The following SLC10A7 variants were observed in gnomAD, a reference collection of about 807,000 sequenced individuals.
The protein encoded by SLC10A7 is sodium/bile acid cotransporter 7.
A neutral mutation model predicts 43.2 loss-of-function variants in SLC10A7; 29 were observed. The observed-to-expected ratio is 0.67, with a 90% confidence interval of 0.50 to 0.92. The LOEUF is 0.92. SLC10A7 is among the 40% of genes least tolerant of loss of function. The pLI is 0.00. For synonymous variants in SLC10A7, 152 were observed against 144.8 expected (o/e 1.05, Z -0.35); for missense variants, 295 against 403.2 (o/e 0.73, Z 2.30).
Position 146,515,602 on chromosome 4 carries a change from A to G in SLC10A7, c.183+1436T>C, listed in dbSNP as rs547106329. On this transcript the variant is annotated intron_variant, in intron 2 of 11. Coordinates refer to ENST00000335472, the MANE Select transcript of SLC10A7 (RefSeq NM_001029998.6). ...GCTATAGACACTACACAATGATCCT[A>G]CGTATATCAAAAAATACCCCAATGA... 4.6e-5 allele frequency among the ~76,000 whole-genome samples: 7 copies of G among 152,250 alleles called. No homozygotes were observed. In the South Asian group the frequency reaches 1.2e-3, roughly 27 times the overall value.
chr4:146,320,398 T>C (rs781637781), intron 6 of SLC10A7, among the ~76,000 whole-genome samples: 1 of 151,494 alleles, frequency 6.6e-6, no homozygotes, highest in Non-Finnish European at 1.5e-5. Flanking sequence ...GGGCATGGGG[T>C]GAGAGTAGGG....
chr4:146,314,896 C>A (rs777077102), intron 6 of SLC10A7, among the ~76,000 whole-genome samples: 9 of 152,056 alleles, frequency 5.9e-5, no homozygotes, highest in Non-Finnish European at 1.2e-4. Flanking sequence ...CATGACAACA[C>A]CATCCAATAT....
intron 4 of SLC10A7, among the ~76,000 whole-genome samples, chr4:146,448,334 T>C (rs1395225885): frequency 2.0e-5 from 3 of 152,202 alleles, no homozygotes; most frequent in Admixed American, 6.5e-5. Flanking sequence ...CGTTATGTTC[T>C]ACCTTAAGCC....
rs1729057344 is a variant in SLC10A7 at position 146,274,029 on chromosome 4, G to C, written c.847+9163C>G. Among the ~76,000 whole-genome samples, 2 of 151,932 alleles carry C rather than the reference G, an allele frequency of 1.3e-5. 1 individual carries two copies. Among genetic ancestry groups the C allele is most frequent in the African/African-American group, 4.8e-5 (2 of 41,354 alleles). On this transcript the variant is annotated intron_variant, in intron 10 of 11. Coordinates refer to ENST00000335472, the MANE Select transcript of SLC10A7 (RefSeq NM_001029998.6). ...TCACCTAGGTCCCCTTTCATAAAGG[G>C]ATTTATATAAGGATAACTTTCAAAT... is the stretch of plus-strand genomic sequence containing the variant.
intron 5 of SLC10A7, among the ~76,000 whole-genome samples, chr4:146,370,283 TA>T (rs1408709202): frequency 6.6e-6 from 1 of 152,008 alleles, no homozygotes; most frequent in Non-Finnish European, 1.5e-5. Flanking sequence ...ACACAAGTAA[TA>T]AAAAAAATCC....
intron 4 of SLC10A7, among the ~76,000 whole-genome samples, chr4:146,470,936 C>G (rs981135234): frequency 1.3e-5 from 2 of 152,152 alleles, no homozygotes; most frequent in African/African-American, 4.8e-5. Context: ...TCACTTCATG[C>G]AATAGGTACA....
chr4:146,405,908 G>A (rs1319968903), intron 5 of SLC10A7, among the ~76,000 whole-genome samples: 2 of 151,812 alleles, frequency 1.3e-5, no homozygotes, highest in Admixed American at 1.3e-4. Context: ...TTCTTCAAGA[G>A]AAAAACTGAA....
chr4:146,286,394 G>A (rs374687371), intron 9 of SLC10A7, among the ~76,000 whole-genome samples: 39 of 148,858 alleles, frequency 2.6e-4, no homozygotes, highest in South Asian at 8.9e-4. Context: ...GAAGGACTGT[G>A]TTTGGAGTGG....
intron 10 of SLC10A7, among the ~76,000 whole-genome samples, chr4:146,269,509 T>C (rs1416012654): frequency 6.6e-6 from 1 of 152,224 alleles, no homozygotes; most frequent in Non-Finnish European, 1.5e-5. Flanking sequence ...AGAGACAATC[T>C]GGCTAATGTT....
At chr4:146,364,391 C>T (rs1487772379) in intron 5 of SLC10A7, among the ~76,000 whole-genome samples, 1 of 152,072 alleles carries the variant, frequency 6.6e-6, no homozygotes, top group African/African-American at 2.4e-5. Context: ...GATGACTTCA[C>T]TGATGAATTT....
intron 5 of SLC10A7, among the ~76,000 whole-genome samples, chr4:146,374,516 G>T (rs1466082781): frequency 6.6e-6 from 1 of 151,808 alleles, no homozygotes; most frequent in Non-Finnish European, 1.5e-5. Context: ...TTGAACCTGG[G>T]AGGCAGAGGT....
intron 5 of SLC10A7, among the ~76,000 whole-genome samples, chr4:146,379,251 C>A (rs1440776757): frequency 1.3e-5 from 2 of 152,174 alleles, no homozygotes; most frequent in African/African-American, 4.8e-5. Context: ...TCACTGAGGT[C>A]TACATTGTTC....
At chr4:146,346,208 A>G (rs1338101256) in intron 5 of SLC10A7, among the ~76,000 whole-genome samples, 1 of 152,164 alleles carries the variant, frequency 6.6e-6, no homozygotes, top group Non-Finnish European at 1.5e-5. Context: ...GACCAACTCT[A>G]TTGGGGAACT....
intron 5 of SLC10A7, among the ~76,000 whole-genome samples, chr4:146,384,853 T>A (rs914969733): frequency 2.0e-5 from 3 of 151,968 alleles, no homozygotes; most frequent in African/African-American, 7.2e-5. Flanking sequence ...ATACTTGCAT[T>A]TTTTTTACAT....
rs531997155 is a variant in SLC10A7, at chr4:146,494,220, C to A, written c.396+9629G>T. On this transcript the variant is annotated intron_variant, in intron 4 of 11. Coordinates refer to ENST00000335472, the MANE Select transcript of SLC10A7 (RefSeq NM_001029998.6). ...CTTGTATGGGGAAACCAAAAGCCAG[C>A]AAGGTCCAGGGCTTACTGAGACCAC... 1.7e-4 allele frequency among the ~76,000 whole-genome samples: 26 copies of A among 152,300 alleles called. No homozygotes were observed. The South Asian group carries it at 3.9e-3, about 23-fold the overall frequency.
At chr4:146,323,733 A>C (rs1427054093) in intron 6 of SLC10A7, among the ~76,000 whole-genome samples, 1 of 152,100 alleles carries the variant, frequency 6.6e-6, no homozygotes, top group Non-Finnish European at 1.5e-5. Flanking sequence ...TATGGCAAAA[A>C]CTGGAAGCAT....
At chr4:146,511,108 C>T (rs887338210) in intron 2 of SLC10A7, among the ~76,000 whole-genome samples, 3 of 152,112 alleles carry the variant, frequency 2.0e-5, no homozygotes, top group Admixed American at 1.3e-4. Context: ...CTAAATTTTC[C>T]GGCATGCTAG....
At chr4:146,515,284 T>C (rs976700419) in intron 2 of SLC10A7, 1 of 639,840 alleles carries the variant, frequency 1.6e-6, no homozygotes, top group Non-Finnish European at 2.8e-6. Flanking sequence ...AGCAGTTCCA[T>C]AAAGAGCATT....
At chr4:146,334,268 A>G (rs1733731233) in intron 5 of SLC10A7, among the ~76,000 whole-genome samples, 1 of 152,158 alleles carries the variant, frequency 6.6e-6, no homozygotes, top group Non-Finnish European at 1.5e-5. Context: ...ACAGCTGAGT[A>G]GTCCTCAGCA....
Sources: allele counts gnomAD v4.1 joint callset (sites outside exome capture counted in the v4.1 genomes callset), GRCh38; gene constraint gnomAD v4.1.1; transcripts MANE v1.5; gene names NCBI Gene and HGNC (gene_info 2026-07-23, HGNC 2026-07-21).